The following NEK10 variants were observed in gnomAD, a reference collection of about 807,000 sequenced individuals.
NEK10 encodes the protein serine/threonine-protein kinase Nek10.
A neutral mutation model predicts 159.8 loss-of-function variants in NEK10; 122 were observed. The ratio of observed to expected loss-of-function variants is 0.76; its 90% CI spans 0.66 to 0.89. The LOEUF (loss-of-function observed/expected upper bound fraction) is 0.89, where lower values mean the gene tolerates loss of function less well. NEK10 is among the 40% of genes least tolerant of loss of function. The pLI, the probability that NEK10 is intolerant of heterozygous loss-of-function variation, is 0.00. For synonymous variants in NEK10, 466 were observed against 457.1 expected, an observed-to-expected ratio of 1.02 and a Z score of -0.25; for missense variants, 1,342 against 1,323.1, an observed-to-expected ratio of 1.01 and a Z score of -0.22.
intron 20 of NEK10, 74 bp from the exon 21 acceptor site, chr3:27,285,035 G>A: frequency 4.3e-6 from 5 of 1,161,752 alleles, no homozygotes; most frequent in Non-Finnish European, 4.8e-6. Context: ...ACGAATGAGA[G>A]TTCAAGCTTC....
At chr3:27,329,225 G>C (rs2046225551) in intron 5 of NEK10, among the ~76,000 whole-genome samples, 1 of 152,196 alleles carries the variant, frequency 6.6e-6, no homozygotes. Flanking sequence ...CTTCTGCCAT[G>C]ATTGTGAGGC....
intron 26 of NEK10, among the ~76,000 whole-genome samples, chr3:27,191,349 G>T (rs1949100473): frequency 6.6e-6 from 1 of 151,232 alleles, no homozygotes; most frequent in African/African-American, 2.4e-5. Flanking sequence ...CTGGGTGGAG[G>T]CCCAAAGCAT....
At chr3:27,151,094 C>T (rs1944816901) in intron 30 of NEK10, among the ~76,000 whole-genome samples, 1 of 152,100 alleles carries the variant, frequency 6.6e-6, no homozygotes, top group Non-Finnish European at 1.5e-5. Context: ...AGACAAAGGA[C>T]GTATAATCTT....
chr3:27,115,855 C>T, intron 35 of NEK10, 85 bp downstream of exon 35: 1 of 1,006,964 alleles, frequency 9.9e-7, no homozygotes. Context: ...AAAAATCCCT[C>T]TGGAATAAAG....
intron 25 of NEK10, among the ~76,000 whole-genome samples, chr3:27,192,482 G>C (rs1949203336): frequency 6.6e-6 from 1 of 152,066 alleles, no homozygotes; most frequent in Non-Finnish European, 1.5e-5. Context: ...GGAAGGTAAG[G>C]GTTCCAGGCT....
At chr3:27,241,746 T>A (rs1954577699) in intron 23 of NEK10, among the ~76,000 whole-genome samples, 1 of 152,138 alleles carries the variant, frequency 6.6e-6, no homozygotes, top group Non-Finnish European at 1.5e-5. Context: ...CAACCCAAAC[T>A]AAGAGACAAG....
chr3:27,132,099 T>G (rs1942690393), intron 31 of NEK10, 109 bp from the exon 32 acceptor site: 2 of 470,468 alleles, frequency 4.3e-6, no homozygotes, highest in South Asian at 5.9e-5. Context: ...TCAATAGGAC[T>G]ATGTAAGAAT....
At chr3:27,320,127 T>C (rs1475842285) in intron 6 of NEK10, among the ~76,000 whole-genome samples, 1 of 152,156 alleles carries the variant, frequency 6.6e-6, no homozygotes, top group Non-Finnish European at 1.5e-5. Flanking sequence ...GACTCGGAGA[T>C]AATTCCCTTC....
rs114818822 is a variant in NEK10 at position 27,306,035 on chromosome 3, G to C, written c.804-1064C>G. ...TCTCCATACTACCCCTAAACTCAAA[G>C]TCATTAGCCTCCTCCCCAGGTCTAT... On this transcript the variant is annotated intron_variant, in intron 11 of 35. Transcript: ENST00000691995. Among the ~76,000 whole-genome samples, 712 of 152,144 alleles carry C rather than the reference G, an allele frequency of 4.7e-3. 2 individuals carry two copies. Among genetic ancestry groups the C allele is most frequent in the Non-Finnish European group, 7.1e-3 (484 of 68,008 alleles).
At chr3:27,116,352 T>C (rs1940430471) in intron 33 of NEK10, among the ~76,000 whole-genome samples, 2 of 152,140 alleles carry the variant, frequency 1.3e-5, no homozygotes. Flanking sequence ...CACAAAATGA[T>C]ATATGAAGAT....
intron 35 of NEK10, among the ~76,000 whole-genome samples, chr3:27,115,100 TC>T (rs1481809137): frequency 1.3e-5 from 2 of 152,186 alleles, no homozygotes; most frequent in Non-Finnish European, 2.9e-5. Context: ...CATTAACACT[TC>T]CTAGGGAAAG....
chr3:27,269,053 C>G (rs1816886), intron 22 of NEK10, among the ~76,000 whole-genome samples: 6,597 of 152,232 alleles, frequency 0.043, 215 homozygotes, highest in African/African-American at 0.082. Flanking sequence ...GAATTAGAAT[C>G]GGAGCCTGAA....
At chr3:27,346,917 T>C (rs1157229119) in intron 3 of NEK10, among the ~76,000 whole-genome samples, 1 of 152,228 alleles carries the variant, frequency 6.6e-6, no homozygotes, top group Non-Finnish European at 1.5e-5. Context: ...CAATAATAAA[T>C]TGTCAGGTTA....
chr3:27,341,842 T>C (rs2047222590), intron 5 of NEK10, among the ~76,000 whole-genome samples: 3 of 152,050 alleles, frequency 2.0e-5, no homozygotes, highest in African/African-American at 7.2e-5. Flanking sequence ...TTGAAAGGGG[T>C]CACACTTCAC....
At chr3:27,321,792 A>G (rs2045660635) in intron 6 of NEK10, among the ~76,000 whole-genome samples, 1 of 152,178 alleles carries the variant, frequency 6.6e-6, no homozygotes, top group South Asian at 2.1e-4. Context: ...TCTCAGCCAC[A>G]TGAGCAGGCC....
intron 35 of NEK10, among the ~76,000 whole-genome samples, chr3:27,115,583 A>AT (rs770461703): frequency 6.6e-6 from 1 of 152,200 alleles, no homozygotes; most frequent in Non-Finnish European, 1.5e-5. Flanking sequence ...GATTTAAGTG[A>AT]TAGGAGTGAG....
At chr3:27,274,640 C>A (rs73161120) in intron 22 of NEK10, among the ~76,000 whole-genome samples, 3,734 of 152,064 alleles carry the variant, frequency 0.025, 157 homozygotes, top group African/African-American at 0.086. Flanking sequence ...TATGCGCACA[C>A]ATGCAGGCAT....
At position 27,284,940 on chromosome 3, in the gene NEK10, A is replaced by C; in HGVS notation, c.1811T>G (p.Met604Arg). 6.2e-7 allele frequency: 1 copy of C among 1,607,106 alleles called. No individual in the cohort carries two copies. The highest frequency in any genetic ancestry group is 2.2e-5 in the East Asian group (1 of 44,844). The part of the protein sequence containing the change: ...FLENDRLYIV[M>R]ELIEGAPLGE... Reference sequence around the variant, plus strand: ...AAGCGGGGCTCCTTCTATCAGCTCCATAACTATGTACAACCTATCATCTAT... The same window carrying C: ...AAGCGGGGCTCCTTCTATCAGCTCCCTAACTATGTACAACCTATCATCTAT... The change falls in exon 21 of 36, where the codon ATG becomes AGG. Residue 604 changes from methionine to arginine, a missense_variant. Transcript: ENST00000691995.
chr3:27,201,956 C>T (rs542865789), intron 24 of NEK10, among the ~76,000 whole-genome samples: 32 of 151,734 alleles, frequency 2.1e-4, no homozygotes, highest in African/African-American at 6.8e-4. Context: ...GTCAGGAGTT[C>T]AAGACCAGCC....
Sources: gnomAD v4.1 joint callset for allele counts (sites outside exome capture counted in the v4.1 genomes callset) on GRCh38, gnomAD v4.1.1 for gene constraint, MANE v1.5 for transcripts, NCBI Gene and HGNC (gene_info 2026-07-23, HGNC 2026-07-21) for gene names.